SH3TC1: variants seen among roughly 807,000 people sequenced by gnomAD.
SH3TC1 encodes the protein SH3 domain and tetratricopeptide repeats 1, also known as SH3 domain and tetratricopeptide repeat-containing protein 1.
In SH3TC1, 135 loss-of-function variants were observed where a neutral mutation model predicts 117.3. The observed-to-expected ratio is 1.15, with a 90% CI of 1.00 to 1.33. The LOEUF is 1.33. Among genes scored for constraint, SH3TC1 ranks in the 40% most tolerant of loss-of-function variants. SH3TC1 has a pLI of 0.00. For missense variants in SH3TC1, 2,092 were observed against 1,794.3 expected, an observed-to-expected ratio of 1.17 and a Z score of -3.00; for synonymous variants, 898 against 816.9, an observed-to-expected ratio of 1.10 and a Z score of -1.69.
chr4:8,228,269 G>A lies in SH3TC1; in HGVS notation c.2575G>A (p.Glu859Lys), dbSNP rs773348163. 1.5e-5 allele frequency: 24 copies of A among 1,612,250 alleles called. No individual in the cohort carries two copies. The Admixed American group carries it at 3.7e-4, about 25-fold the overall frequency. ...TGTCCGGGATGCAGTGGTGGCCAGC[G>A]AGGACCAGGAGGGCGTGATTGCCAA... ...QSVRDAVVASEDQEGVIANMV... is the reference protein window; with the variant it reads ...QSVRDAVVASKDQEGVIANMV... The change falls in exon 12 of 18, where the codon GAG (glutamate) becomes AAG (lysine). Residue 859 changes from glutamate to lysine, a missense_variant. By Grantham distance (56) the Glu-to-Lys change is moderately conservative (BLOSUM62 1). Coordinates refer to ENST00000245105, the MANE Select transcript of SH3TC1 (RefSeq NM_018986.5).
chr4:8,230,072 G>A lies in SH3TC1; in HGVS notation c.2950+1428G>A, dbSNP rs138492443. ...TCTCCCCACCCCGCGTTGAACAGTC[G>A]AGAAGACCGAGGGTGGGGCTGATAC... On this transcript the variant is annotated intron_variant, in intron 12 of 17. Coordinates refer to ENST00000245105, the MANE Select transcript of SH3TC1 (RefSeq NM_018986.5). 1.5e-3 allele frequency among the ~76,000 whole-genome samples: 232 copies of A among 152,086 alleles called. 1 individual carries two copies. The highest frequency in any genetic ancestry group is 5.3e-3 in the African/African-American group (219 of 41,418).
chr4:8,213,579 C>T (rs563656801), intron 4 of SH3TC1, among the ~76,000 whole-genome samples: 13 of 152,262 alleles, frequency 8.5e-5, no homozygotes, highest in African/African-American at 3.1e-4. Context: ...AGCTGAGCCA[C>T]TGACAGGTCA....
chr4:8,210,745 TGA>T lies in SH3TC1; in HGVS notation c.247+924_247+925del, dbSNP rs1491557833. Among the ~76,000 whole-genome samples, 4 of 57,158 alleles carry T rather than the reference TGA, an allele frequency of 7.0e-5. No individual in the cohort carries two copies. The highest frequency in any genetic ancestry group is 2.3e-4 in the African/African-American group (3 of 13,132). The allele number at this position is 57,158 out of a possible 152,430, so 37.5% of individuals were successfully genotyped here. ...ATTGCACTCCAGCCTGGGCAACTTCTGAAAAAAAAAAAAAAAAAAAAAAAAAA... is the reference window on the plus strand; with the variant it reads ...ATTGCACTCCAGCCTGGGCAACTTCTAAAAAAAAAAAAAAAAAAAAAAAAA... On this transcript the variant is annotated intron_variant, in intron 3 of 17. Coordinates refer to ENST00000245105, the MANE Select transcript of SH3TC1 (RefSeq NM_018986.5). The surrounding 1 kb of genome is among the most constrained non-coding windows in gnomAD (Gnocchi z 4.1).
rs1248100748 is a variant in SH3TC1, at chr4:8,225,440, T to G, written c.1285+224T>G. 6.6e-6 allele frequency among the ~76,000 whole-genome samples: 1 copy of G among 152,168 alleles called. No homozygotes were observed. The highest frequency in any genetic ancestry group is 1.5e-5 in the Non-Finnish European group (1 of 68,032). On this transcript the variant is annotated intron_variant, in intron 11 of 17. Transcript: ENST00000245105. This position sits in a 1 kb window ranked among gnomAD's most constrained non-coding sequence, Gnocchi z 5.5. The stretch of plus-strand genomic sequence containing the variant: ...CCCGCACTTCTTCCAATGAACATGC[T>G]GGCCCCCGCCTGGTCCCCGCCCAAG...
chr4:8,239,944 TG>T (rs1722188039), intron 17 of SH3TC1, among the ~76,000 whole-genome samples: 1 of 152,222 alleles, frequency 6.6e-6, no homozygotes, highest in African/African-American at 2.4e-5. Flanking sequence ...GCCCTGTGTG[TG>T]GGGCGGGGCC....
Position 8,228,062 on chromosome 4 carries a change from A to T in SH3TC1, c.2368A>T (p.Thr790Ser). 1 of 1,605,440 alleles carries T rather than the reference A, an allele frequency of 6.2e-7. No individual in the cohort carries two copies. Among genetic ancestry groups the T allele is most frequent in the Non-Finnish European group, 8.5e-7 (1 of 1,175,322 alleles). Residue 790 changes from threonine (T) to serine (S), a missense_variant, in exon 12 of 18, where the codon ACC becomes TCC. Coordinates refer to ENST00000245105, the MANE Select transcript of SH3TC1 (RefSeq NM_018986.5). ...TGQALRGPLY[T>S]SLAQLYSHHG... ...CCAGGCGCTGCGCGGCCCCCTCTACACCAGCTTGGCCCAGCTGTACAGCCA... is the reference window on the plus strand; with the variant it reads ...CCAGGCGCTGCGCGGCCCCCTCTACTCCAGCTTGGCCCAGCTGTACAGCCA...
chr4:8,228,786 C>T (rs1389739634), intron 12 of SH3TC1, 142 bp downstream of exon 12: 1 of 728,594 alleles, frequency 1.4e-6, no homozygotes, highest in South Asian at 2.2e-5. Context: ...TTGGCAAGCG[C>T]CCTGGAGACA....
Position 8,212,654 on chromosome 4 carries a change from C to A in SH3TC1, c.248-47C>A, listed in dbSNP as rs148270559. On this transcript the variant is annotated intron_variant, in intron 3 of 17. Transcript: ENST00000245105. Reference sequence around the variant, plus strand: ...GTGGAGTACAGTGCCCCACAGACTTCCCAGCCCAGGTCAGACCAACTGCCC... The same window carrying A: ...GTGGAGTACAGTGCCCCACAGACTTACCAGCCCAGGTCAGACCAACTGCCC... 117 of 1,611,490 alleles carry A rather than the reference C, an allele frequency of 7.3e-5. No individual in the cohort carries two copies. In the African/African-American group the frequency reaches 1.5e-3, roughly 21 times the overall value.
At position 8,183,571 on chromosome 4, in the gene SH3TC1, T is replaced by C. The variant is rs947729782; in HGVS notation, c.-57+1361T>C. 6.6e-6 allele frequency among the ~76,000 whole-genome samples: 1 copy of C among 152,240 alleles called. No individual in the cohort carries two copies. Among genetic ancestry groups the C allele is most frequent in the Non-Finnish European group, 1.5e-5 (1 of 68,042 alleles). On this transcript the variant is annotated intron_variant, in intron 1 of 16. Transcript: ENST00000508641. The surrounding 1 kb of genome is among the most constrained non-coding windows in gnomAD (Gnocchi z 5.4). ...GGGCCTTAAAAGTTCATCAAACTTG[T>C]TCCACCCTACAGGGACTTTTTGTTT...
chr4:8,215,187 G>A (rs1450843440), intron 5 of SH3TC1: 3 of 456,196 alleles, frequency 6.6e-6, no homozygotes, highest in African/African-American at 4.0e-5. Flanking sequence ...GAGGGAAGCT[G>A]CCGTCCAGTG....
chr4:8,198,370 G>A (rs1249376413), upstream of SH3TC1, among the ~76,000 whole-genome samples: 1 of 152,214 alleles, frequency 6.6e-6, no homozygotes, highest in Non-Finnish European at 1.5e-5. Context: ...GCACAGGCTG[G>A]AGGGATCCCT....
chr4:8,228,143 G>A lies in SH3TC1; in HGVS notation c.2449G>A (p.Ala817Thr), dbSNP rs142543673. 37 of 1,612,382 alleles carry A rather than the reference G, an allele frequency of 2.3e-5. No homozygotes were observed. The African/African-American group carries it at 3.7e-4, about 16-fold the overall frequency. The change falls in exon 12 of 18, where the codon GCT (alanine) becomes ACT (threonine). Residue 817 changes from alanine (A) to threonine (T), a missense_variant. Coordinates refer to ENST00000245105, the MANE Select transcript of SH3TC1 (RefSeq NM_018986.5). ...CATGACGCAGGCAGTGGAAGCCAGT[G>A]CTATTGCCGGAGTCCGTGCCATCGT... ...TFMTQAVEAS[A>T]IAGVRAIVDH...
In SH3TC1 at chr4:8,209,644, A is replaced by T; in HGVS notation, c.173-104A>T. On this transcript the variant is annotated intron_variant, in intron 2 of 17. Transcript: ENST00000245105. The surrounding 1 kb of genome is among the most constrained non-coding windows in gnomAD (Gnocchi z 5.9). ...GGGAAAGGCGGCTCGTGCGGGACAG[A>T]ACTCACCTCTTTTCTTGCAGAGAGA... The T allele has an allele frequency of 6.4e-7, 1 of 1,558,200 alleles. No individual in the cohort carries two copies. Among genetic ancestry groups the T allele is most frequent in the East Asian group, 2.4e-5 (1 of 42,082 alleles).
In SH3TC1 at chr4:8,222,860, T is replaced by C. The variant is rs768531442; in HGVS notation, c.1133T>C (p.Leu378Pro). 1 of 1,612,330 alleles carries C rather than the reference T, an allele frequency of 6.2e-7. No individual in the cohort carries two copies. Among genetic ancestry groups the C allele is most frequent in the South Asian group, 1.1e-5 (1 of 91,046 alleles). The change falls in exon 10 of 18, where the codon CTC (leucine) becomes CCC (proline). Residue 378 changes from leucine (L) to proline (P), a missense_variant. Physicochemically the swap from Leu to Pro is moderately conservative, Grantham distance 98. Coordinates refer to ENST00000245105, the MANE Select transcript of SH3TC1 (RefSeq NM_018986.5). ...TCCAGGTTGGAAAGTGCGATTTTTC[T>C]CAATGAGGAAGAAAAGTCATTCTTC... ...PVSELESAIF[L>P]NEEEKSFFSE...
chr4:8,224,529 C>A, intron 10 of SH3TC1: 1 of 152,496 alleles, frequency 6.6e-6, no homozygotes. Flanking sequence ...GGGTGCTCCC[C>A]AGAACTGCAC....
chr4:8,237,184 A>C (rs1398718420), intron 16 of SH3TC1: 3 of 369,820 alleles, frequency 8.1e-6, no homozygotes, highest in Non-Finnish European at 1.4e-5. Flanking sequence ...CGTGGGCTGC[A>C]TGCCTTTTGG....
intron 13 of SH3TC1, chr4:8,232,361 T>TG: frequency 6.3e-7 from 1 of 1,577,444 alleles, no homozygotes; most frequent in South Asian, 1.1e-5. Context: ...GAGCTTCCCT[T>TG]GTTGGGTGAC....
Position 8,240,784 on chromosome 4 carries a change from C to T in SH3TC1, c.3840C>T (p.Tyr1280=). The stretch of plus-strand genomic sequence containing the variant: ...ACAAGAAGGCACAGCTGAAGATCTA[C>T]ACGCGGCTGGCCACCATCTACCACA... ...LGNKKAQLKI[Y]TRLATIYHNF... Residue 1280 remains tyrosine, a synonymous_variant, in exon 18 of 18, where the codon TAC becomes TAT. Coordinates refer to ENST00000245105, the MANE Select transcript of SH3TC1 (RefSeq NM_018986.5). 6.2e-7 allele frequency: 1 copy of T among 1,614,138 alleles called. No individual in the cohort carries two copies. Among genetic ancestry groups the T allele is most frequent in the Non-Finnish European group, 8.5e-7 (1 of 1,180,038 alleles).
At position 8,227,114 on chromosome 4, in the gene SH3TC1, G is replaced by A. The variant is rs151232136; in HGVS notation, c.1420G>A (p.Asp474Asn). 51 of 1,612,586 alleles carry A rather than the reference G, an allele frequency of 3.2e-5. No homozygotes were observed. Among genetic ancestry groups the A allele is most frequent in the Non-Finnish European group, 3.7e-5 (44 of 1,179,754 alleles). The change falls in exon 12 of 18, where the codon GAC becomes AAC. Residue 474 changes from aspartate (D) to asparagine (N), a missense_variant. Physicochemically the swap from Asp to Asn is conservative, Grantham distance 23. Transcript: ENST00000245105. ...ASWGLCAASS[D>N]VSLQDPEEPS... is the part of the protein sequence containing the mutation. ...CTGGGGTCTCTGTGCGGCATCCAGC[G>A]ACGTGAGCTTGCAGGACCCCGAGGA...
Sources: allele counts gnomAD v4.1 joint callset (sites outside exome capture counted in the v4.1 genomes callset), GRCh38; gene constraint gnomAD v4.1.1; non-coding constraint Gnocchi (gnomAD v3.1); transcripts MANE v1.5; gene names NCBI Gene and HGNC (gene_info 2026-07-23, HGNC 2026-07-21).